Variants in USP45 observed in about 807,000 individuals in gnomAD.
USP45 encodes ubiquitin specific peptidase 45.
Under a neutral mutation model 95.8 loss-of-function variants are expected in USP45, and 89 were observed. The observed-to-expected ratio is 0.93, with a 90% CI of 0.78 to 1.11. The LOEUF is 1.11. Among genes scored for constraint, USP45 ranks in the 50% least tolerant of loss-of-function variants. USP45 has a pLI of 0.00. For missense variants in USP45, 898 were observed against 942.5 expected, an observed-to-expected ratio of 0.95 and a Z score of 0.62; for synonymous variants, 281 against 316.2, an observed-to-expected ratio of 0.89 and a Z score of 1.18.
intron 13 of USP45, among the ~76,000 whole-genome samples, chr6:99,457,894 C>T (rs547363116): frequency 6.6e-6 from 1 of 152,290 alleles, no homozygotes; most frequent in Admixed American, 6.5e-5. Context: ...TTCTATCTAT[C>T]CCTTTTATCC....
intron 1 of USP45, among the ~76,000 whole-genome samples, chr6:99,510,511 T>C (rs535066211): frequency 6.6e-6 from 1 of 152,356 alleles, no homozygotes; most frequent in South Asian, 2.1e-4. Context: ...CCCAAAGTGA[T>C]GATACTTGGA....
At chr6:99,503,664 G>A (rs956959115) in intron 5 of USP45, 101 bp downstream of exon 5, 7 of 757,216 alleles carry the variant, frequency 9.2e-6, no homozygotes, top group Non-Finnish European at 1.4e-5. Flanking sequence ...ATTATTGGCT[G>A]GGCTGTCACA....
In USP45 at chr6:99,456,529, A is replaced by G. The variant is rs535581904; in HGVS notation, c.1308+8075T>C. Among the ~76,000 whole-genome samples, 10 of 152,330 alleles carry G rather than the reference A, an allele frequency of 6.6e-5. No individual in the cohort carries two copies. In the East Asian group the frequency reaches 1.9e-3, roughly 29 times the overall value. ...TCATGGACATTTATTAGTTCCCCAA[A>G]TTAATACTTTTATAATTTCTTATGC... is the stretch of plus-strand genomic sequence containing the variant. On this transcript the variant is annotated intron_variant, in intron 13 of 17. Transcript: ENST00000500704.
chr6:99,492,624 A>C (rs2397338), intron 5 of USP45, among the ~76,000 whole-genome samples: 25,877 of 151,038 alleles, frequency 0.17, 2,529 homozygotes, highest in Middle Eastern at 0.27. Context: ...TCTCCTAAGT[A>C]GTTGGGATTA....
At chr6:99,447,825 C>T (rs894626326) in intron 13 of USP45, among the ~76,000 whole-genome samples, 7 of 152,154 alleles carry the variant, frequency 4.6e-5, no homozygotes, top group African/African-American at 1.7e-4. Flanking sequence ...CTCACACGGC[C>T]GGGTACCCAT....
intron 2 of USP45, 147 bp from the exon 3 acceptor site, chr6:99,508,929 T>G (rs1799129574): frequency 1.6e-6 from 1 of 628,326 alleles, no homozygotes; most frequent in Non-Finnish European, 2.6e-6. Context: ...ATATGCTATA[T>G]AATTCCATTT....
rs1391426423 is a variant in USP45, at chr6:99,433,709, T to C, written c.*2007A>G. The C allele has an allele frequency of 6.6e-6, 1 of 152,196 alleles. No homozygotes were observed. Among genetic ancestry groups the C allele is most frequent in the African/African-American group, 2.4e-5 (1 of 41,444 alleles). The allele number at this position is 152,196 out of a possible 1,614,324, so 9.4% of individuals were successfully genotyped here. ...GTTACTTCTGGAATAATGTCAAAAA[T>C]CTATGTAGATCTTTCCATTTTAAAT... On this transcript the variant is annotated 3_prime_UTR_variant, in exon 18 of 18. Coordinates refer to ENST00000500704, the MANE Select transcript of USP45 (RefSeq NM_001346022.3).
intron 13 of USP45, chr6:99,462,765 A>G: frequency 1.2e-6 from 1 of 861,678 alleles, no homozygotes; most frequent in Non-Finnish European, 1.4e-6. Context: ...AGATCACTTG[A>G]GGTCATCAGG....
intron 8 of USP45, among the ~76,000 whole-genome samples, chr6:99,476,602 C>T (rs1790931148): frequency 6.6e-6 from 1 of 152,206 alleles, no homozygotes; most frequent in Non-Finnish European, 1.5e-5. Flanking sequence ...ATATGTTAAG[C>T]ACAATACTAG....
intron 5 of USP45, among the ~76,000 whole-genome samples, chr6:99,503,520 C>A (rs559103799): frequency 1.3e-5 from 2 of 152,044 alleles, no homozygotes; most frequent in East Asian, 3.9e-4. Flanking sequence ...TTAGTAGAGA[C>A]GGGGTTTCAC....
intron 1 of USP45, among the ~76,000 whole-genome samples, chr6:99,513,117 T>C (rs1413191712): frequency 1.3e-5 from 2 of 152,176 alleles, no homozygotes; most frequent in Non-Finnish European, 2.9e-5. Flanking sequence ...CAGCATTACA[T>C]GTACCCAAAA....
rs565134922 is a variant in USP45, at chr6:99,442,960, G to A, written c.2073+605C>T. 7.4e-5 allele frequency among the ~76,000 whole-genome samples: 11 copies of A among 149,356 alleles called. No individual in the cohort carries two copies. The South Asian group carries it at 2.1e-3, about 29-fold the overall frequency. On this transcript the variant is annotated intron_variant, in intron 15 of 17. Transcript: ENST00000500704. ...GGGCTGGGTGTGGTGGCTCATGCCT[G>A]TAATCCCAGCACTTTGGGAGGCCCA...
chr6:99,484,045 G>C (rs1793192069), intron 7 of USP45, among the ~76,000 whole-genome samples: 1 of 131,942 alleles, frequency 7.6e-6, no homozygotes, highest in South Asian at 2.4e-4. Context: ...GGGTTGCCCA[G>C]GCTGGTCTTG....
At chr6:99,503,931 A>G in intron 4 of USP45, 66 bp from the exon 5 acceptor site, 1 of 1,160,796 alleles carries the variant, frequency 8.6e-7, no homozygotes, top group Admixed American at 2.5e-5. Context: ...ACATCAGATA[A>G]CAAAGTTGGT....
chr6:99,463,400 G>A (rs1218541363), intron 13 of USP45, among the ~76,000 whole-genome samples: 1 of 152,024 alleles, frequency 6.6e-6, no homozygotes, highest in Non-Finnish European at 1.5e-5. Context: ...AACCTAACTA[G>A]GCCTCTAGAT....
intron 13 of USP45, among the ~76,000 whole-genome samples, chr6:99,447,630 C>T (rs1212345065): frequency 6.6e-6 from 1 of 152,188 alleles, no homozygotes; most frequent in Admixed American, 6.5e-5. Flanking sequence ...CAGGGCACAG[C>T]CCAACAAAAG....
intron 10 of USP45, chr6:99,468,208 G>A: frequency 2.1e-6 from 1 of 465,340 alleles, no homozygotes; most frequent in South Asian, 1.5e-5. Flanking sequence ...CCAAACACAT[G>A]TCAAATGATA....
intron 13 of USP45, among the ~76,000 whole-genome samples, chr6:99,459,834 CCT>C (rs1282988492): frequency 4.9e-4 from 75 of 152,152 alleles, no homozygotes; most frequent in Admixed American, 3.7e-3. Context: ...GAAATATTGC[CCT>C]GTCTGCAATG....
Position 99,432,533 on chromosome 6 carries a change from T to C in USP45, c.*3183A>G, listed in dbSNP as rs1779863119. 1 of 152,002 alleles carries C rather than the reference T, an allele frequency of 6.6e-6. No individual in the cohort carries two copies. Among genetic ancestry groups the C allele is most frequent in the African/African-American group, 2.4e-5 (1 of 41,376 alleles). The allele number at this position is 152,002 out of a possible 1,614,324, so 9.4% of individuals were successfully genotyped here. The stretch of plus-strand genomic sequence containing the variant: ...GTTACACAGCTGTTTTCTAGAAACA[T>C]GGCAAAAGAAAAAAAACAGTAGGAA... On this transcript the variant is annotated 3_prime_UTR_variant, in exon 18 of 18. Coordinates refer to ENST00000500704, the MANE Select transcript of USP45 (RefSeq NM_001346022.3).
Sources: allele counts gnomAD v4.1 joint callset (sites outside exome capture counted in the v4.1 genomes callset), GRCh38; gene constraint gnomAD v4.1.1; transcripts MANE v1.5; gene names NCBI Gene and HGNC (gene_info 2026-07-23, HGNC 2026-07-21).